BRINP1: variants seen among roughly 807,000 people sequenced by gnomAD.
BRINP1 encodes the protein BMP/retinoic acid inducible neural specific 1, also known as BMP/retinoic acid-inducible neural-specific protein 1.
A neutral mutation model predicts 72.9 loss-of-function variants in BRINP1; 17 were observed. That is an observed-to-expected ratio of 0.23 (90% CI 0.16 to 0.35). The LOEUF (loss-of-function observed/expected upper bound fraction) is 0.35. BRINP1 is among the 10% of genes least tolerant of loss of function. The probability of loss-of-function intolerance (pLI) is 1.00; values close to 1 mark genes in which losing one functional copy is unlikely to be tolerated. For missense variants in BRINP1, 850 were observed against 1,001.6 expected, an observed-to-expected ratio of 0.85 and a Z score of 2.04; for synonymous variants, 418 against 378.5, an observed-to-expected ratio of 1.10 and a Z score of -1.21.
intron 7 of BRINP1, among the ~76,000 whole-genome samples, chr9:119,179,260 T>C (rs1829525759): frequency 6.6e-6 from 1 of 152,208 alleles, no homozygotes; most frequent in Non-Finnish European, 1.5e-5. Context: ...GCATCTTCCA[T>C]CTGCAGCCAA....
chr9:119,238,584 A>G lies in BRINP1; in HGVS notation c.685+71T>C, dbSNP rs138869581. 1,724 of 890,202 alleles carry G rather than the reference A, an allele frequency of 1.9e-3. 21 individuals are homozygous for G. In the African/African-American group the frequency reaches 0.026, roughly 13 times the overall value. 55.1% of individuals were successfully genotyped at this position (890,202 alleles called of 1,614,324 possible). ...TTCTCCCTTCACTCCATCCCTCCTG[A>G]TCCCCTCTCCCACATATCACATCCA... On this transcript the variant is annotated intron_variant, in intron 5 of 7. Transcript: ENST00000265922.
At chr9:119,250,738 A>G (rs1830379044) in intron 2 of BRINP1, among the ~76,000 whole-genome samples, 1 of 152,174 alleles carries the variant, frequency 6.6e-6, no homozygotes, top group South Asian at 2.1e-4. Context: ...AGTAACAATC[A>G]CAGTTCCCAC....
intron 7 of BRINP1, among the ~76,000 whole-genome samples, chr9:119,170,197 C>T (rs1419017018): frequency 2.6e-5 from 4 of 151,120 alleles, no homozygotes; most frequent in Admixed American, 1.3e-4. Flanking sequence ...TACAGGAGGA[C>T]ATTCAAACCA....
chr9:119,323,367 A>C (rs1324045467), intron 1 of BRINP1, among the ~76,000 whole-genome samples: 1 of 152,228 alleles, frequency 6.6e-6, no homozygotes, highest in Non-Finnish European at 1.5e-5. Context: ...TGCCTAGTTC[A>C]TGGGTAAAAG....
intron 1 of BRINP1, among the ~76,000 whole-genome samples, chr9:119,316,510 G>T (rs985040279): frequency 5.3e-5 from 8 of 152,054 alleles, no homozygotes; most frequent in African/African-American, 1.9e-4. Context: ...TCTCGTTAGG[G>T]GCTAATGCAG....
chr9:119,285,778 G>T (rs776561108), intron 2 of BRINP1, among the ~76,000 whole-genome samples: 6 of 152,066 alleles, frequency 3.9e-5, no homozygotes, highest in Non-Finnish European at 8.8e-5. Flanking sequence ...CTTGGTAGTG[G>T]TGTGTATCTG....
chr9:119,351,268 G>A (rs1333414526), intron 1 of BRINP1, among the ~76,000 whole-genome samples: 3 of 152,112 alleles, frequency 2.0e-5, no homozygotes, highest in Non-Finnish European at 2.9e-5. Context: ...ACACACACTT[G>A]CATACACACT....
At chr9:119,329,398 T>G (rs1285390298) in intron 1 of BRINP1, among the ~76,000 whole-genome samples, 1 of 152,186 alleles carries the variant, frequency 6.6e-6, no homozygotes, top group Non-Finnish European at 1.5e-5. Flanking sequence ...TTTTAAATGA[T>G]GAACTAAAAG....
At chr9:119,277,203 C>A (rs755241844) in intron 2 of BRINP1, among the ~76,000 whole-genome samples, 2 of 152,142 alleles carry the variant, frequency 1.3e-5, no homozygotes, top group Non-Finnish European at 2.9e-5. Context: ...ACCCATTCAC[C>A]TGTTGAAGGA....
chr9:119,235,184 C>T (rs776875675), intron 5 of BRINP1, among the ~76,000 whole-genome samples: 4 of 152,130 alleles, frequency 2.6e-5, no homozygotes, highest in African/African-American at 7.2e-5. Context: ...TCAGAATGAT[C>T]TTCTAAAATA....
intron 7 of BRINP1, among the ~76,000 whole-genome samples, chr9:119,172,858 TAAACAGAGACAA>T (rs1829432969): frequency 6.6e-6 from 1 of 151,596 alleles, no homozygotes; most frequent in South Asian, 2.1e-4. Context: ...ATCCAGCATA[TAAACAGAGACAA>T]AGACAAAAAC....
chr9:119,288,765 T>TTTTG (rs781299884), intron 2 of BRINP1, among the ~76,000 whole-genome samples: 1 of 151,628 alleles, frequency 6.6e-6, no homozygotes, highest in African/African-American at 2.4e-5. Flanking sequence ...AAAGGAGAGG[T>TTTTG]TTTGTTTGTT....
chr9:119,336,483 G>A (rs1357511432), intron 1 of BRINP1, among the ~76,000 whole-genome samples: 1 of 150,898 alleles, frequency 6.6e-6, no homozygotes, highest in African/African-American at 2.4e-5. Context: ...GAAGGATGGA[G>A]AAACATTTGG....
chr9:119,244,829 T>TGAGTC (rs2118914954), intron 3 of BRINP1, among the ~76,000 whole-genome samples: 2 of 152,324 alleles, frequency 1.3e-5, no homozygotes, highest in South Asian at 4.1e-4. Flanking sequence ...AGGCCTTTTC[T>TGAGTC]GAGTCTTTCT....
chr9:119,321,897 A>G (rs1831193204), intron 1 of BRINP1, among the ~76,000 whole-genome samples: 1 of 152,146 alleles, frequency 6.6e-6, no homozygotes, highest in Admixed American at 6.5e-5. Context: ...TTCTACTTCT[A>G]TTGGGCAGCG....
intron 2 of BRINP1, among the ~76,000 whole-genome samples, chr9:119,294,422 G>A (rs1301188554): frequency 1.3e-5 from 2 of 152,094 alleles, no homozygotes; most frequent in East Asian, 3.9e-4. Flanking sequence ...AGCTACCCAG[G>A]AGGCTGAGGC....
intron 2 of BRINP1, among the ~76,000 whole-genome samples, chr9:119,255,802 A>AAAAT (rs979160720): frequency 6.6e-6 from 1 of 151,862 alleles, no homozygotes; most frequent in Non-Finnish European, 1.5e-5. Flanking sequence ...ACACATACAA[A>AAAAT]AAATTAGCCA....
chr9:119,208,705 G>C lies in BRINP1; in HGVS notation c.1145+14C>G. 1 of 1,610,742 alleles carries C rather than the reference G, an allele frequency of 6.2e-7. No individual in the cohort carries two copies. The highest frequency in any genetic ancestry group is 1.1e-5 in the South Asian group (1 of 90,980). On this transcript the variant is annotated intron_variant, in intron 7 of 7. Transcript: ENST00000265922. ...GTAGGTGCCTGCAGAGGTGGAGGTG[G>C]TGGCAACACTTACCTCTCTCTAGGC...
At chr9:119,264,137 A>C (rs1830524477) in intron 2 of BRINP1, among the ~76,000 whole-genome samples, 1 of 152,198 alleles carries the variant, frequency 6.6e-6, no homozygotes, top group South Asian at 2.1e-4. Context: ...TTTCATGCGT[A>C]GGCAGAGGTG....
Sources: allele counts gnomAD v4.1 joint callset (sites outside exome capture counted in the v4.1 genomes callset), GRCh38; gene constraint gnomAD v4.1.1; transcripts MANE v1.5; gene names NCBI Gene and HGNC (gene_info 2026-07-23, HGNC 2026-07-21).